The following GATAD2B variants were observed in gnomAD, a reference collection of about 807,000 sequenced individuals.
GATAD2B encodes GATA zinc finger domain containing 2B, also known as transcriptional repressor p66-beta.
GATAD2B carries 8 observed loss-of-function variants against 64.3 expected under a neutral mutation model. That is an observed-to-expected ratio of 0.12 (90% CI 0.07 to 0.22). The LOEUF is 0.22. Ranked by LOEUF, GATAD2B falls within the 10% of genes least tolerant of loss-of-function variation. The pLI, the probability that GATAD2B is intolerant of heterozygous loss-of-function variation, is 1.00. For synonymous variants in GATAD2B, 281 were observed against 271.3 expected (o/e 1.04, Z -0.35); for missense variants, 453 against 752.0 (o/e 0.60, Z 4.65).
chr1:153,830,474 A>AG (rs1675037972), intron 1 of GATAD2B, among the ~76,000 whole-genome samples: 1 of 117,052 alleles, frequency 8.5e-6, no homozygotes, highest in East Asian at 3.7e-4. Context: ...ATTTTATTTT[A>AG]TTTATTTATT....
In GATAD2B at chr1:153,822,471, C is replaced by T. The variant is rs554014195; in HGVS notation, c.336-2736G>A. 6.6e-5 allele frequency among the ~76,000 whole-genome samples: 10 copies of T among 152,290 alleles called. No individual in the cohort carries two copies. In the South Asian group the frequency reaches 2.1e-3, roughly 32 times the overall value. On this transcript the variant is annotated intron_variant, in intron 2 of 10. Coordinates refer to ENST00000368655, the MANE Select transcript of GATAD2B (RefSeq NM_020699.4). ...ATTATTTTATTCCCAGATATAAACA[C>T]ACCGGTATTAGGTAGATAGCACAGA...
intron 1 of GATAD2B, among the ~76,000 whole-genome samples, chr1:153,864,973 G>A (rs1399184650): frequency 6.6e-6 from 1 of 152,172 alleles, no homozygotes; most frequent in Non-Finnish European, 1.5e-5. Context: ...GGGAGGCTGT[G>A]ACAGGAGAAT....
chr1:153,815,293 C>CAAAAAAA (rs71093285), intron 7 of GATAD2B, among the ~76,000 whole-genome samples: 3 of 111,848 alleles, frequency 2.7e-5, no homozygotes, highest in African/African-American at 3.4e-5. Flanking sequence ...AAAAAAAAAA[C>CAAAAAAA]AAAAAAAAAA....
chr1:153,860,152 T>C (rs1676233093), intron 1 of GATAD2B, among the ~76,000 whole-genome samples: 1 of 151,940 alleles, frequency 6.6e-6, no homozygotes, highest in Non-Finnish European at 1.5e-5. Context: ...TGACCTCAAG[T>C]AATCCACCTG....
intron 1 of GATAD2B, among the ~76,000 whole-genome samples, chr1:153,881,452 C>G (rs770406050): frequency 3.9e-5 from 6 of 152,174 alleles, no homozygotes; most frequent in Non-Finnish European, 7.3e-5. Flanking sequence ...GAAAGAAGAT[C>G]CAAACCGAAA....
intron 1 of GATAD2B, among the ~76,000 whole-genome samples, chr1:153,920,354 C>T (rs2101975172): frequency 6.6e-6 from 1 of 152,304 alleles, no homozygotes; most frequent in Non-Finnish European, 1.5e-5. Flanking sequence ...GGCAAAACCC[C>T]AAAATGGGGG....
At chr1:153,898,306 CAAAAAAA>C (rs11373311) in intron 1 of GATAD2B, among the ~76,000 whole-genome samples, 11 of 80,790 alleles carry the variant, frequency 1.4e-4, no homozygotes, top group East Asian at 6.3e-4. Context: ...CAGCCTGTCT[CAAAAAAA>C]AAAAAAAAAA....
chr1:153,896,187 T>A (rs1442244819), intron 1 of GATAD2B, among the ~76,000 whole-genome samples: 1 of 151,778 alleles, frequency 6.6e-6, no homozygotes, highest in East Asian at 1.9e-4. Context: ...AAAAAATCCA[T>A]CTAACAAGGA....
At chr1:153,902,748 G>A (rs775312504) in intron 1 of GATAD2B, among the ~76,000 whole-genome samples, 1 of 152,142 alleles carries the variant, frequency 6.6e-6, no homozygotes, top group Non-Finnish European at 1.5e-5. Context: ...GAGCCACCAA[G>A]CCCAGCTGCA....
intron 1 of GATAD2B, among the ~76,000 whole-genome samples, chr1:153,863,726 C>T (rs925071373): frequency 6.6e-6 from 1 of 151,772 alleles, no homozygotes; most frequent in Admixed American, 6.6e-5. Context: ...CAAGTTCAAG[C>T]AATTCTCCTG....
At chr1:153,889,635 G>A (rs1264874142) in intron 1 of GATAD2B, 29 of 642,430 alleles carry the variant, frequency 4.5e-5, no homozygotes, top group Non-Finnish European at 5.4e-5. Context: ...CTGGCAAGAG[G>A]AAAGTTGTAG....
intron 1 of GATAD2B, among the ~76,000 whole-genome samples, chr1:153,870,480 G>GGA (rs1433785156): frequency 6.6e-6 from 1 of 152,118 alleles, no homozygotes; most frequent in East Asian, 1.9e-4. Context: ...GGCTGAGGCA[G>GGA]GAGAATGGCG....
At chr1:153,854,162 G>A (rs1676002156) in intron 1 of GATAD2B, among the ~76,000 whole-genome samples, 1 of 152,096 alleles carries the variant, frequency 6.6e-6, no homozygotes, top group Admixed American at 6.6e-5. Context: ...CAGCACTTTG[G>A]GAGGCTGAAA....
chr1:153,828,892 GA>G lies in GATAD2B; in HGVS notation c.-1-545del, dbSNP rs541017255. Among the ~76,000 whole-genome samples, 411 of 152,074 alleles carry G rather than the reference GA, an allele frequency of 2.7e-3. 1 individual carries two copies. Among genetic ancestry groups the G allele is most frequent in the African/African-American group, 9.7e-3 (401 of 41,490 alleles). ...AATCATTATCTTCCCTTTTCACTTT[GA>G]TTTTTTTTACACTAACAAAATCTAA... On this transcript the variant is annotated intron_variant, in intron 1 of 10. Transcript: ENST00000368655.
At chr1:153,908,555 G>A (rs1208301343) in intron 1 of GATAD2B, among the ~76,000 whole-genome samples, 2 of 150,554 alleles carry the variant, frequency 1.3e-5, no homozygotes, top group Admixed American at 6.6e-5. Flanking sequence ...TGCAACCTCC[G>A]CCTCCCGGGT....
At chr1:153,850,000 A>G (rs967819435) in intron 1 of GATAD2B, among the ~76,000 whole-genome samples, 2 of 152,032 alleles carry the variant, frequency 1.3e-5, no homozygotes, top group South Asian at 2.1e-4. Flanking sequence ...TAGTCCTGAG[A>G]GGTAGTGTAT....
intron 4 of GATAD2B, 65 bp downstream of exon 4, chr1:153,818,726 G>A (rs1334921750): frequency 1.3e-6 from 2 of 1,495,054 alleles, no homozygotes; most frequent in Non-Finnish European, 9.2e-7. Flanking sequence ...CCTACCTGGG[G>A]GAACCTACTC....
chr1:153,815,293 C>CAAAAAA (rs71093285), intron 7 of GATAD2B, among the ~76,000 whole-genome samples: 2 of 111,842 alleles, frequency 1.8e-5, no homozygotes, highest in Non-Finnish European at 3.6e-5. Flanking sequence ...AAAAAAAAAA[C>CAAAAAA]AAAAAAAAAA....
chr1:153,906,998 TAAC>T (rs1380188656), intron 1 of GATAD2B, among the ~76,000 whole-genome samples: 3 of 152,220 alleles, frequency 2.0e-5, no homozygotes, highest in Non-Finnish European at 2.9e-5. Flanking sequence ...CAAAAAATAA[TAAC>T]AAGTGTTGGC....
Sources: gnomAD v4.1 joint callset for allele counts (sites outside exome capture counted in the v4.1 genomes callset) on GRCh38, gnomAD v4.1.1 for gene constraint, MANE v1.5 for transcripts, NCBI Gene and HGNC (gene_info 2026-07-23, HGNC 2026-07-21) for gene names.